The following DCC variants were observed in gnomAD, a reference collection of about 807,000 sequenced individuals.
DCC encodes DCC netrin 1 receptor.
DCC carries 58 observed loss-of-function variants against 172.5 expected under a neutral mutation model. That is an observed-to-expected ratio of 0.34 (90% CI 0.27 to 0.42). DCC has a LOEUF of 0.42. DCC is among the 10% of genes least tolerant of loss of function. The pLI, the probability that DCC is intolerant of heterozygous loss-of-function variation, is 1.00. For missense variants in DCC, 1,740 were observed against 1,791.0 expected (o/e 0.97, Z 0.51); for synonymous variants, 709 against 644.5 (o/e 1.10, Z -1.52).
chr18:53,208,546 T>A (rs1481984505), intron 11 of DCC, among the ~76,000 whole-genome samples: 1 of 152,044 alleles, frequency 6.6e-6, no homozygotes, highest in Non-Finnish European at 1.5e-5. Context: ...TTAGAAAATA[T>A]ATCAAAAGGA....
intron 5 of DCC, among the ~76,000 whole-genome samples, chr18:52,957,757 T>A (rs1408028212): frequency 6.6e-6 from 1 of 152,086 alleles, no homozygotes; most frequent in Non-Finnish European, 1.5e-5. Flanking sequence ...GAGTACCTTG[T>A]GCTCCATGTG....
chr18:52,719,946 G>A (rs989491519), intron 1 of DCC, among the ~76,000 whole-genome samples: 3 of 152,088 alleles, frequency 2.0e-5, no homozygotes, highest in Admixed American at 2.0e-4. Flanking sequence ...AGGATTTGGG[G>A]GTCCCTTCAA....
chr18:52,725,544 A>C (rs2036538740), intron 1 of DCC, among the ~76,000 whole-genome samples: 1 of 152,188 alleles, frequency 6.6e-6, no homozygotes, highest in South Asian at 2.1e-4. Context: ...TGTGATAGGC[A>C]GTGGGAGAAG....
intron 12 of DCC, among the ~76,000 whole-genome samples, chr18:53,295,721 G>A (rs1402593313): frequency 6.6e-6 from 1 of 152,086 alleles, no homozygotes; most frequent in African/African-American, 2.4e-5. Context: ...TTGGATATCT[G>A]GTAGGTAAGT....
At chr18:52,535,203 G>A (rs528685512) in intron 1 of DCC, among the ~76,000 whole-genome samples, 12 of 152,170 alleles carry the variant, frequency 7.9e-5, no homozygotes, top group Non-Finnish European at 1.8e-4. Flanking sequence ...TTCCACTGTG[G>A]AATCTTCACT....
At chr18:52,622,763 C>T (rs919469395) in intron 1 of DCC, among the ~76,000 whole-genome samples, 17 of 152,180 alleles carry the variant, frequency 1.1e-4, no homozygotes, top group African/African-American at 3.9e-4. Flanking sequence ...CCTGGTGGTT[C>T]GTTCAGAACC....
chr18:52,653,010 C>CT (rs772150504), intron 1 of DCC, among the ~76,000 whole-genome samples: 1 of 152,056 alleles, frequency 6.6e-6, no homozygotes, highest in African/African-American at 2.4e-5. Context: ...CTAAAGCACA[C>CT]TTTTTTCCCC....
chr18:52,648,274 A>G (rs893598477), intron 1 of DCC, among the ~76,000 whole-genome samples: 2 of 152,184 alleles, frequency 1.3e-5, no homozygotes, highest in African/African-American at 4.8e-5. Flanking sequence ...TACACCACAG[A>G]AATTGCCAAA....
intron 12 of DCC, among the ~76,000 whole-genome samples, chr18:53,293,847 A>G (rs2057034333): frequency 6.6e-6 from 1 of 152,176 alleles, no homozygotes. Context: ...TTTTTTATAT[A>G]TTACTTTGGA....
intron 1 of DCC, among the ~76,000 whole-genome samples, chr18:52,741,403 A>T (rs2036819945): frequency 6.6e-6 from 1 of 152,084 alleles, no homozygotes; most frequent in South Asian, 2.1e-4. Context: ...TCTCATCCTC[A>T]TCACTACTGA....
intron 1 of DCC, among the ~76,000 whole-genome samples, chr18:52,622,130 A>G (rs2144861522): frequency 1.3e-5 from 2 of 152,320 alleles, no homozygotes; most frequent in Middle Eastern, 3.4e-3. Flanking sequence ...TCAAGTATAA[A>G]TAATCTATAG....
chr18:53,112,068 A>G (rs1007218704), intron 7 of DCC, among the ~76,000 whole-genome samples: 4 of 151,212 alleles, frequency 2.6e-5, no homozygotes, highest in African/African-American at 9.7e-5. Context: ...CTAGGCATGC[A>G]TTTAGAAGCC....
At chr18:52,476,876 A>C (rs1156384758) in intron 1 of DCC, among the ~76,000 whole-genome samples, 2 of 152,164 alleles carry the variant, frequency 1.3e-5, no homozygotes, top group African/African-American at 4.8e-5. Flanking sequence ...AAACAATAGG[A>C]GAGTAAGCTG....
intron 1 of DCC, among the ~76,000 whole-genome samples, chr18:52,466,577 C>A (rs935824586): frequency 6.6e-6 from 1 of 152,150 alleles, no homozygotes; most frequent in Non-Finnish European, 1.5e-5. Context: ...CATTCTATAC[C>A]TCTCAAAAGA....
intron 2 of DCC, among the ~76,000 whole-genome samples, chr18:52,822,804 T>C (rs1461675763): frequency 2.0e-5 from 3 of 152,324 alleles, no homozygotes; most frequent in Middle Eastern, 3.4e-3. Flanking sequence ...GTTGTTTTCT[T>C]CAAGGAATTT....
chr18:52,507,031 T>C (rs913564588), intron 1 of DCC, among the ~76,000 whole-genome samples: 2 of 152,230 alleles, frequency 1.3e-5, no homozygotes, highest in South Asian at 2.1e-4. Context: ...AATCCAAAGA[T>C]GATATATTGC....
intron 1 of DCC, among the ~76,000 whole-genome samples, chr18:52,553,493 G>A (rs1331141137): frequency 6.6e-6 from 1 of 151,958 alleles, no homozygotes; most frequent in Non-Finnish European, 1.5e-5. Flanking sequence ...CAAAGAGAAT[G>A]GATCAATGAA....
Position 53,515,836 on chromosome 18 carries a change from G to A in DCC, c.4112-10781G>A, listed in dbSNP as rs541420462. ...AATGGAAGAACATTCCATGCTCATGGGTAGGAAGAATCAATATCGTCAAAA... is the reference window on the plus strand; with the variant it reads ...AATGGAAGAACATTCCATGCTCATGAGTAGGAAGAATCAATATCGTCAAAA... On this transcript the variant is annotated intron_variant, in intron 27 of 28. Transcript: ENST00000442544. Among the ~76,000 whole-genome samples, 31 of 152,006 alleles carry A rather than the reference G, an allele frequency of 2.0e-4. No homozygotes were observed. The East Asian group carries it at 6.0e-3, about 29-fold the overall frequency.
chr18:53,020,566 A>G (rs2041866024), intron 5 of DCC, among the ~76,000 whole-genome samples: 1 of 152,170 alleles, frequency 6.6e-6, no homozygotes, highest in African/African-American at 2.4e-5. Context: ...CATGTTTCAC[A>G]CTCATTAGTT....
Sources: gnomAD v4.1 joint callset for allele counts (sites outside exome capture counted in the v4.1 genomes callset) on GRCh38, gnomAD v4.1.1 for gene constraint, MANE v1.5 for transcripts, NCBI Gene and HGNC (gene_info 2026-07-23, HGNC 2026-07-21) for gene names.